The following RAD52 variants were observed in gnomAD, a reference collection of about 807,000 sequenced individuals.
RAD52 encodes the protein DNA repair protein RAD52 homolog.
Under a neutral mutation model 55.5 loss-of-function variants are expected in RAD52, and 47 were observed. That is an observed-to-expected ratio of 0.85 (90% CI 0.67 to 1.08). RAD52 has a LOEUF of 1.08. Among genes scored for constraint, RAD52 ranks in the 50% least tolerant of loss-of-function variants. RAD52 has a pLI of 0.00. For missense variants in RAD52, 468 were observed against 522.8 expected, an observed-to-expected ratio of 0.90 and a Z score of 1.02; for synonymous variants, 184 against 198.9, an observed-to-expected ratio of 0.92 and a Z score of 0.63.
In RAD52 at chr12:939,805, G is replaced by A. The variant is rs184447975; in HGVS notation, c.-18-6729C>T. On this transcript the variant is annotated intron_variant, in intron 1 of 11. Transcript: ENST00000358495. ...GAAGAGGGCTGGGCGCACCGGGCGC[G>A]GTGGCTCATGCCTGTAATCCCAGCA... Among the ~76,000 whole-genome samples the A allele has an allele frequency of 9.2e-5, 14 of 152,300 alleles. No homozygotes were observed. In the East Asian group the frequency reaches 2.3e-3, roughly 25 times the overall value.
intron 1 of RAD52, among the ~76,000 whole-genome samples, chr12:973,496 T>G (rs1186243645): frequency 6.7e-6 from 1 of 149,874 alleles, no homozygotes; most frequent in Admixed American, 6.7e-5. Context: ...TTTTTTTTTT[T>G]AAACACAGTC....
At chr12:956,640 G>C (rs577406762) in intron 1 of RAD52, among the ~76,000 whole-genome samples, 1 of 152,040 alleles carries the variant, frequency 6.6e-6, no homozygotes, top group African/African-American at 2.4e-5. Context: ...TCCGTCTCCC[G>C]GGCTCAAGCG....
chr12:977,898 G>T (rs1440430845), intron 1 of RAD52, among the ~76,000 whole-genome samples: 2 of 152,202 alleles, frequency 1.3e-5, no homozygotes, highest in Non-Finnish European at 2.9e-5. Flanking sequence ...ATGGGTTTAA[G>T]CCCTTGAGCA....
intron 9 of RAD52, among the ~76,000 whole-genome samples, 178 bp from the exon 10 acceptor site, chr12:914,710 T>C (rs1357106342): frequency 6.6e-6 from 1 of 152,208 alleles, no homozygotes; most frequent in East Asian, 1.9e-4. Flanking sequence ...CAGTCCTACC[T>C]ACAGATCTGT....
chr12:980,754 T>C (rs1269790195), intron 1 of RAD52, among the ~76,000 whole-genome samples: 3 of 152,086 alleles, frequency 2.0e-5, no homozygotes, highest in Non-Finnish European at 4.4e-5. Context: ...TGCACCACCA[T>C]GCCACCGCGC....
chr12:925,019 C>A (rs535777977), intron 7 of RAD52, among the ~76,000 whole-genome samples: 4 of 148,862 alleles, frequency 2.7e-5, no homozygotes, highest in Non-Finnish European at 5.9e-5. Context: ...GGTGCCATCT[C>A]GGCTCACTGC....
At chr12:971,984 G>A (rs1293967720) in intron 1 of RAD52, among the ~76,000 whole-genome samples, 3 of 152,068 alleles carry the variant, frequency 2.0e-5, no homozygotes, top group Admixed American at 6.5e-5. Flanking sequence ...TCCTGACCTC[G>A]TGATCCGCCC....
At chr12:928,906 C>T (rs1358750457) in intron 5 of RAD52, among the ~76,000 whole-genome samples, 1 of 152,040 alleles carries the variant, frequency 6.6e-6, no homozygotes, top group Admixed American at 6.6e-5. Context: ...TTCTTTTTTT[C>T]CACCCAGGAG....
In RAD52 at chr12:914,089, C is replaced by G. The variant is rs759920122; in HGVS notation, c.1000G>C (p.Val334Leu). 10 of 1,614,054 alleles carry G rather than the reference C, an allele frequency of 6.2e-6. No homozygotes were observed. The Admixed American group carries it at 1.7e-4, about 27-fold the overall frequency. The change falls in exon 11 of 12, where the codon GTG becomes CTG. Residue 334 changes from valine (V) to leucine (L), a missense_variant. Coordinates refer to ENST00000358495, the MANE Select transcript of RAD52 (RefSeq NM_134424.4). ...ACACCATCCCCTGCATCGGGAGTCA[C>G]AGCCCACTTTTCAGAGTTGTCTTCA... ...TLEDNSEKWA[V>L]TPDAGDGVVK...
intron 1 of RAD52, among the ~76,000 whole-genome samples, chr12:933,475 G>C (rs201635128): frequency 8.4e-6 from 1 of 119,754 alleles, no homozygotes; most frequent in Non-Finnish European, 1.9e-5. Flanking sequence ...AAAAAAAAAA[G>C]AATCCCTATG....
chr12:973,273 G>T (rs527259594), intron 1 of RAD52, among the ~76,000 whole-genome samples: 8 of 151,936 alleles, frequency 5.3e-5, no homozygotes, highest in African/African-American at 1.9e-4. Flanking sequence ...GTTTCATCAT[G>T]TTAGCCAGGA....
chr12:981,771 T>TAAAAAAAATAAAATAAAATA (rs148282544), intron 1 of RAD52, among the ~76,000 whole-genome samples: 1 of 139,698 alleles, frequency 7.2e-6, no homozygotes, highest in Admixed American at 7.3e-5. Context: ...AATAAATAAA[T>TAAAAAAAATAAAATAAAATA]AAATAAAATA....
upstream of RAD52, among the ~76,000 whole-genome samples, chr12:952,304 T>G (rs1002684088): frequency 6.6e-6 from 1 of 152,118 alleles, no homozygotes; most frequent in Non-Finnish European, 1.5e-5. Flanking sequence ...CTTACTATGT[T>G]TCTCAGGCTT....
At chr12:941,410 C>T (rs972645333) in intron 1 of RAD52, among the ~76,000 whole-genome samples, 5 of 151,556 alleles carry the variant, frequency 3.3e-5, no homozygotes, top group Admixed American at 6.6e-5. Flanking sequence ...CCTCTGCCTC[C>T]CAGGTTCAAG....
chr12:927,363 A>C, intron 5 of RAD52, 100 bp from the exon 6 acceptor site: 1 of 879,486 alleles, frequency 1.1e-6, no homozygotes, highest in Non-Finnish European at 1.9e-6. Flanking sequence ...GGACTCTCCC[A>C]CCTGGCGGCC....
intron 1 of RAD52, among the ~76,000 whole-genome samples, chr12:943,141 G>A (rs1296193913): frequency 1.3e-5 from 2 of 152,134 alleles, no homozygotes; most frequent in African/African-American, 2.4e-5. Context: ...ACACCCATCA[G>A]AATAACTCAA....
chr12:925,025 A>G lies in RAD52; in HGVS notation c.543+425T>C, dbSNP rs998894304. Among the ~76,000 whole-genome samples the G allele has an allele frequency of 6.2e-5, 9 of 144,784 alleles. No homozygotes were observed. In the East Asian group the frequency reaches 1.2e-3, roughly 19 times the overall value. The allele number at this position is 144,784 out of a possible 152,430, so 95.0% of individuals were successfully genotyped here. A position where few individuals can be genotyped will look rare whatever the true frequency, so the allele number is the denominator to read the frequency against. Reference sequence around the variant, plus strand: ...GAGTGCAGTGGTGCCATCTCGGCTCACTGCAAGCTCTGCCTCCCGGGTTCA... The same window carrying G: ...GAGTGCAGTGGTGCCATCTCGGCTCGCTGCAAGCTCTGCCTCCCGGGTTCA... On this transcript the variant is annotated intron_variant, in intron 7 of 11. Transcript: ENST00000358495.
intron 10 of RAD52, 83 bp downstream of exon 10, chr12:914,348 G>C: frequency 6.4e-7 from 1 of 1,560,628 alleles, no homozygotes; most frequent in East Asian, 2.3e-5. Context: ...ACGAAAATGA[G>C]GATTTTTATG....
At position 927,270 on chromosome 12, in the gene RAD52, G is replaced by A. The variant is rs1034975342; in HGVS notation, c.349-7C>T. ...CTTCATGATATGAACCATCCTGGGG[G>A]CAGAAAAGGAGTTTGAACTCAAACA... On this transcript the variant is annotated splice_region_variant and splice_polypyrimidine_tract_variant and intron_variant, in intron 5 of 11. Coordinates refer to ENST00000358495, the MANE Select transcript of RAD52 (RefSeq NM_134424.4). 3.2e-5 allele frequency: 51 copies of A among 1,602,066 alleles called. No homozygotes were observed. Among genetic ancestry groups the A allele is most frequent in the Non-Finnish European group, 4.3e-5 (50 of 1,169,318 alleles).
Sources: gnomAD v4.1 joint callset for allele counts (sites outside exome capture counted in the v4.1 genomes callset) on GRCh38, gnomAD v4.1.1 for gene constraint, MANE v1.5 for transcripts, NCBI Gene and HGNC (gene_info 2026-07-23, HGNC 2026-07-21) for gene names.